Variants in NSD3 observed in about 807,000 individuals in gnomAD.
The protein encoded by NSD3 is histone-lysine N-methyltransferase NSD3.
Under a neutral mutation model 160.8 loss-of-function variants are expected in NSD3, and 24 were observed. The ratio of observed to expected loss-of-function variants is 0.15; its 90% CI spans 0.11 to 0.21. NSD3 has a LOEUF of 0.21. Ranked by LOEUF, NSD3 falls within the 10% of genes least tolerant of loss-of-function variation. NSD3 has a pLI of 1.00. For synonymous variants in NSD3, 520 were observed against 600.0 expected (o/e 0.87, Z 1.95); for missense variants, 1,157 against 1,735.9 (o/e 0.67, Z 5.93).
intron 16 of NSD3, among the ~76,000 whole-genome samples, chr8:38,295,531 C>T (rs947207413): frequency 6.6e-6 from 1 of 152,132 alleles, no homozygotes; most frequent in African/African-American, 2.4e-5. Flanking sequence ...GCACTCCAGC[C>T]TTGGTGATAG....
chr8:38,371,998 A>C (rs1196621890), intron 1 of NSD3, among the ~76,000 whole-genome samples: 1 of 152,230 alleles, frequency 6.6e-6, no homozygotes, highest in Non-Finnish European at 1.5e-5. Context: ...CCCAAATTAC[A>C]GAAAAGTTAA....
chr8:38,331,142 T>C (rs1810049123), intron 5 of NSD3, among the ~76,000 whole-genome samples: 1 of 152,164 alleles, frequency 6.6e-6, no homozygotes, highest in Admixed American at 6.5e-5. Flanking sequence ...AAAATCCACA[T>C]TTCACTAGCA....
intron 17 of NSD3, among the ~76,000 whole-genome samples, chr8:38,289,790 A>G (rs1808955542): frequency 6.6e-6 from 1 of 152,190 alleles, no homozygotes; most frequent in African/African-American, 2.4e-5. Flanking sequence ...TTGCCTTGTA[A>G]TAGATTTAAA....
At chr8:38,354,471 G>A (rs920325000) in intron 1 of NSD3, among the ~76,000 whole-genome samples, 1 of 152,170 alleles carries the variant, frequency 6.6e-6, no homozygotes, top group Non-Finnish European at 1.5e-5. Context: ...AAACAATGGA[G>A]CTATTAATTT....
chr8:38,327,980 C>T (rs753943869), intron 6 of NSD3, among the ~76,000 whole-genome samples: 4 of 152,112 alleles, frequency 2.6e-5, no homozygotes, highest in Admixed American at 1.3e-4. Context: ...GGCAGGAGAA[C>T]AGCTAGAGGC....
At position 38,281,509 on chromosome 8, in the gene NSD3, G is replaced by T; in HGVS notation, c.3576C>A (p.His1192Gln). ...TATAAAAATTAGTTACACTGTTCTC[G>T]TGGGCTCGCTTGATTCGCAATCTGC... is the stretch of plus-strand genomic sequence containing the variant. Reference protein sequence around the residue: ...EECRLRIKRAHENSVTNFYML... With the variant: ...EECRLRIKRAQENSVTNFYML... Residue 1192 changes from histidine to glutamine, a missense_variant, in exon 20 of 24, where the codon CAC becomes CAA. Around this residue, in one of 10 missense-constraint regions of NSD3, gnomAD observed 222 missense variants for 409.9 expected, o/e 0.54. Coordinates refer to ENST00000317025, the MANE Select transcript of NSD3 (RefSeq NM_023034.2). 4 of 1,598,020 alleles carry T rather than the reference G, an allele frequency of 2.5e-6. No individual in the cohort carries two copies. The East Asian group carries it at 6.8e-5, about 27-fold the overall frequency.
At chr8:38,310,649 G>A (rs1018584395) in intron 12 of NSD3, among the ~76,000 whole-genome samples, 1 of 151,550 alleles carries the variant, frequency 6.6e-6, no homozygotes, top group Admixed American at 6.6e-5. Context: ...TTGGGACTAT[G>A]GGCACACGCC....
intron 15 of NSD3, among the ~76,000 whole-genome samples, chr8:38,297,176 T>C (rs1809169837): frequency 6.6e-6 from 1 of 152,208 alleles, no homozygotes; most frequent in Non-Finnish European, 1.5e-5. Flanking sequence ...TAGAATGAAG[T>C]ACCATATGCA....
chr8:38,348,725 A>C (rs555003454), intron 1 of NSD3, among the ~76,000 whole-genome samples: 11 of 152,086 alleles, frequency 7.2e-5, no homozygotes, highest in Non-Finnish European at 1.3e-4. Context: ...GTAGTGGTAC[A>C]ATCATGGCTC....
chr8:38,327,016 T>A (rs1010740576), intron 6 of NSD3, among the ~76,000 whole-genome samples, 160 bp from the exon 7 acceptor site: 5 of 152,286 alleles, frequency 3.3e-5, no homozygotes, highest in South Asian at 2.1e-4. Context: ...GAAATTTGAT[T>A]AAGTGATCAA....
At chr8:38,297,031 G>C (rs1438629457) in intron 15 of NSD3, among the ~76,000 whole-genome samples, 1 of 152,174 alleles carries the variant, frequency 6.6e-6, no homozygotes, top group Non-Finnish European at 1.5e-5. Context: ...CATGCAGTTT[G>C]ATTCTGTACA....
intron 1 of NSD3, among the ~76,000 whole-genome samples, chr8:38,369,660 A>G (rs1296651488): frequency 6.6e-6 from 1 of 152,200 alleles, no homozygotes; most frequent in Non-Finnish European, 1.5e-5. Flanking sequence ...TGTAACTCCA[A>G]GAATAATTTT....
At chr8:38,363,788 T>C (rs1811043617) in intron 1 of NSD3, 1 of 152,042 alleles carries the variant, frequency 6.6e-6, no homozygotes, top group Admixed American at 6.6e-5. Flanking sequence ...TGTAAAAGAA[T>C]AAATCTGTGT....
intron 1 of NSD3, among the ~76,000 whole-genome samples, chr8:38,354,788 C>A (rs1810783368): frequency 1.3e-5 from 2 of 151,798 alleles, no homozygotes; most frequent in African/African-American, 4.8e-5. Flanking sequence ...AAATAAAAAG[C>A]TACAGGTACC....
At chr8:38,337,236 A>G in intron 4 of NSD3, 69 bp downstream of exon 4, 1 of 1,345,330 alleles carries the variant, frequency 7.4e-7, no homozygotes, top group Non-Finnish European at 9.9e-7. Flanking sequence ...TCTTATATTC[A>G]CATACAACAT....
intron 15 of NSD3, among the ~76,000 whole-genome samples, chr8:38,298,051 T>A (rs1367506190): frequency 6.6e-6 from 1 of 151,916 alleles, no homozygotes; most frequent in Admixed American, 6.6e-5. Flanking sequence ...TAAAAAAAAA[T>A]GTGAATGGTC....
rs185522677 is a variant in NSD3 at position 38,287,926 on chromosome 8, G to A, written c.3501+561C>T. On this transcript the variant is annotated intron_variant, in intron 19 of 23. Transcript: ENST00000317025. ...GTGCCCGGCTGATTTTTTTTAAAAG[G>A]TAGAAAAATGTCAAGAGTAATTTTA... Among the ~76,000 whole-genome samples, 631 of 152,206 alleles carry A rather than the reference G, an allele frequency of 4.1e-3. 2 individuals carry two copies. The highest frequency in any genetic ancestry group is 7.4e-3 in the Non-Finnish European group (506 of 68,018).
chr8:38,318,805 GAGACAGACAAAAA>G lies in NSD3; in HGVS notation c.1855+77_1855+89del. ...CACTGAAGAGCAACAACGATTTACA[GAGACAGACAAAAA>G]TACATGAAGTACAAATAATTCTTAA... On this transcript the variant is annotated intron_variant, in intron 9 of 23. Transcript: ENST00000317025. This position sits in a 1 kb window ranked among gnomAD's most constrained non-coding sequence, Gnocchi z 5.3. The G allele has an allele frequency of 3.1e-6, 4 of 1,278,768 alleles. No homozygotes were observed. The highest frequency in any genetic ancestry group is 3.4e-6 in the Non-Finnish European group (3 of 886,390). 79.2% of individuals were successfully genotyped at this position (1,278,768 alleles called of 1,614,324 possible).
rs991726663 is a variant in NSD3, at chr8:38,310,804, G to A, written c.2242+3843C>T. 6.6e-5 allele frequency among the ~76,000 whole-genome samples: 10 copies of A among 151,710 alleles called. No individual in the cohort carries two copies. The East Asian group carries it at 1.7e-3, about 26-fold the overall frequency. On this transcript the variant is annotated intron_variant, in intron 12 of 23. Coordinates refer to ENST00000317025, the MANE Select transcript of NSD3 (RefSeq NM_023034.2). ...TTGGATTACAGGTGTGAGACACTACGCCTGGCCCCTTCTTTCAGTTCTTTT... is the reference window on the plus strand; with the variant it reads ...TTGGATTACAGGTGTGAGACACTACACCTGGCCCCTTCTTTCAGTTCTTTT...
Sources: gnomAD v4.1 joint callset for allele counts (sites outside exome capture counted in the v4.1 genomes callset) on GRCh38, gnomAD v4.1.1 for gene constraint, gnomAD v4.1.1 regional missense constraint, Gnocchi (gnomAD v3.1) non-coding constraint, MANE v1.5 for transcripts, NCBI Gene and HGNC (gene_info 2026-07-23, HGNC 2026-07-21) for gene names.